MEI1: variants seen among roughly 807,000 people sequenced by gnomAD.
MEI1 encodes the protein meiotic double-stranded break formation protein 1.
Under a neutral mutation model 146.2 loss-of-function variants are expected in MEI1, and 103 were observed. The observed-to-expected ratio is 0.70, with a 90% CI of 0.60 to 0.83. The LOEUF (loss-of-function observed/expected upper bound fraction) is 0.83, where lower values mean the gene tolerates loss of function less well. Among genes scored for constraint, MEI1 ranks in the 40% least tolerant of loss-of-function variants. MEI1 has a pLI of 0.00. For missense variants in MEI1, 1,529 were observed against 1,533.0 expected (o/e 1.00, Z 0.04); for synonymous variants, 652 against 628.2 (o/e 1.04, Z -0.57).
At chr22:41,773,705 C>T (rs1009502351) in intron 20 of MEI1, among the ~76,000 whole-genome samples, 2 of 151,980 alleles carry the variant, frequency 1.3e-5, no homozygotes, top group African/African-American at 2.4e-5. Flanking sequence ...GAAACCCTGT[C>T]TCTACTAAAA....
intron 19 of MEI1, among the ~76,000 whole-genome samples, chr22:41,767,841 G>T (rs1436052538): frequency 6.6e-6 from 1 of 152,136 alleles, no homozygotes; most frequent in East Asian, 1.9e-4. Flanking sequence ...CCTGGAGCTG[G>T]GGGACTGGTC....
intron 11 of MEI1, among the ~76,000 whole-genome samples, chr22:41,737,261 G>A (rs1304026172): frequency 2.0e-5 from 3 of 151,558 alleles, no homozygotes; most frequent in African/African-American, 7.3e-5. Context: ...TTTTGAGACG[G>A]AGTCTTGCTC....
rs573283027 is a variant in MEI1, at chr22:41,766,169, C to T, written c.2268+2848C>T. 7.0e-4 allele frequency among the ~76,000 whole-genome samples: 105 copies of T among 150,738 alleles called. 1 individual carries two copies. Among genetic ancestry groups the T allele is most frequent in the Non-Finnish European group, 7.5e-4 (51 of 67,756 alleles). On this transcript the variant is annotated intron_variant, in intron 19 of 30. Coordinates refer to ENST00000401548, the MANE Select transcript of MEI1 (RefSeq NM_152513.4). ...GGATTACAGGCATGAGCCACCGTGC[C>T]GGCCATACGGTTTTTGTTTTTTGAG...
At chr22:41,760,339 A>G (rs111335028) in intron 18 of MEI1, among the ~76,000 whole-genome samples, 9,934 of 150,828 alleles carry the variant, frequency 0.066, 1,043 homozygotes, top group African/African-American at 0.23. Flanking sequence ...AATAAAAAAA[A>G]TAAAAATGAA....
At chr22:41,768,572 A>G (rs2074995040) in intron 19 of MEI1, among the ~76,000 whole-genome samples, 1 of 152,220 alleles carries the variant, frequency 6.6e-6, no homozygotes, top group Non-Finnish European at 1.5e-5. Flanking sequence ...TGTGACTCAC[A>G]GTTTCACAGG....
chr22:41,792,501 C>T lies in MEI1; in HGVS notation c.3346-1328C>T, dbSNP rs190523105. The stretch of plus-strand genomic sequence containing the variant: ...CCTCTATTCCCCCAGGAATGGAGCA[C>T]GGTGGAGGAAAGTGTTAGTTGAAAT... On this transcript the variant is annotated intron_variant, in intron 26 of 30. Coordinates refer to ENST00000401548, the MANE Select transcript of MEI1 (RefSeq NM_152513.4). Among the ~76,000 whole-genome samples, 7 of 152,166 alleles carry T rather than the reference C, an allele frequency of 4.6e-5. No homozygotes were observed. The East Asian group carries it at 5.8e-4, about 13-fold the overall frequency.
intron 24 of MEI1, among the ~76,000 whole-genome samples, chr22:41,782,599 C>T (rs2075805471): frequency 6.6e-6 from 1 of 152,200 alleles, no homozygotes; most frequent in East Asian, 1.9e-4. Context: ...CAATACTGTG[C>T]CAATCTAGTG....
At chr22:41,745,475 C>T (rs1478006838) in intron 13 of MEI1, among the ~76,000 whole-genome samples, 1 of 152,174 alleles carries the variant, frequency 6.6e-6, no homozygotes, top group African/African-American at 2.4e-5. Context: ...CAGAATGGCT[C>T]CTGCCCTCAA....
chr22:41,736,827 C>G (rs548592617), intron 11 of MEI1, among the ~76,000 whole-genome samples: 8 of 152,166 alleles, frequency 5.3e-5, no homozygotes, highest in Non-Finnish European at 1.0e-4. Flanking sequence ...GGATTAGGAC[C>G]TGACATCTTT....
intron 12 of MEI1, among the ~76,000 whole-genome samples, chr22:41,744,275 A>G (rs1162737155): frequency 1.3e-5 from 2 of 151,816 alleles, no homozygotes; most frequent in East Asian, 1.9e-4. Context: ...GGTTCAAGCA[A>G]TTCTCCTGCC....
At position 41,732,495 on chromosome 22, in the gene MEI1, C is replaced by T. The variant is rs533817526; in HGVS notation, c.1223C>T (p.Thr408Ile). The change falls in exon 11 of 31, where the codon ACA (threonine) becomes ATA (isoleucine). Residue 408 changes from threonine (T) to isoleucine (I), a missense_variant. This residue lies in a region of MEI1 where 1,212 missense variants were observed against 1,178.9 expected (regional missense o/e 1.03). Transcript: ENST00000401548. Reference sequence around the variant, plus strand: ...CAGCCAGAGGAGATCAAGCTGTTCACAAGCTCAGCCATGTGCAGAGATGCT... The same window carrying T: ...CAGCCAGAGGAGATCAAGCTGTTCATAAGCTCAGCCATGTGCAGAGATGCT... Reference protein sequence around the residue: ...TRQPEEIKLFTSSAMCRDAGR... With the variant: ...TRQPEEIKLFISSAMCRDAGR... 5 of 1,613,794 alleles carry T rather than the reference C, an allele frequency of 3.1e-6. No homozygotes were observed. The highest frequency in any genetic ancestry group is 4.2e-6 in the Non-Finnish European group (5 of 1,179,888).
intron 17 of MEI1, 40 bp from the exon 18 acceptor site, chr22:41,758,325 T>C: frequency 1.3e-6 from 2 of 1,589,364 alleles, no homozygotes; most frequent in East Asian, 2.2e-5. Context: ...TGTTCTTCTA[T>C]GTTCTCTGTG....
At chr22:41,730,346 C>G (rs1468296446) in intron 8 of MEI1, among the ~76,000 whole-genome samples, 175 bp from the exon 9 acceptor site, 1 of 152,194 alleles carries the variant, frequency 6.6e-6, no homozygotes, top group Non-Finnish European at 1.5e-5. Flanking sequence ...AAACCATAAC[C>G]AAGGGCACTT....
rs1310462966 is a variant in MEI1, at chr22:41,799,163, A to G, written c.3780-91A>G. 7.3e-6 allele frequency: 9 copies of G among 1,234,216 alleles called. No individual in the cohort carries two copies. In the Admixed American group the frequency reaches 1.6e-4, roughly 22 times the overall value. The allele number at this position is 1,234,216 out of a possible 1,614,324, so 76.5% of individuals were successfully genotyped here. A position where few individuals can be genotyped will look rare whatever the true frequency, so the allele number is the denominator to read the frequency against. On this transcript the variant is annotated intron_variant, in intron 30 of 30. Transcript: ENST00000401548. ...TCAGGAGCACTTCTGTTCTTGCCTG[A>G]CCATTCTTGACTGTTTTGGGCTCTG...
intron 6 of MEI1, among the ~76,000 whole-genome samples, chr22:41,718,606 C>T (rs1021201552): frequency 6.6e-6 from 1 of 152,208 alleles, no homozygotes; most frequent in Non-Finnish European, 1.5e-5. Flanking sequence ...GTCAGAAATT[C>T]TTCCATGGTT....
chr22:41,774,780 T>C (rs2075357885), intron 20 of MEI1, among the ~76,000 whole-genome samples: 1 of 152,252 alleles, frequency 6.6e-6, no homozygotes, highest in Non-Finnish European at 1.5e-5. Context: ...ATACAGCTAC[T>C]GTATAAACAC....
intron 6 of MEI1, among the ~76,000 whole-genome samples, chr22:41,721,701 C>T (rs111250833): frequency 0.028 from 4,121 of 146,432 alleles, 102 homozygotes; most frequent in Non-Finnish European, 0.039. Context: ...CCAGAATTCC[C>T]GTTTTTAAAT....
At position 41,699,627 on chromosome 22, in the gene MEI1, G is replaced by A. The variant is rs1026865316; in HGVS notation, c.89G>A (p.Arg30Gln). Residue 30 changes from arginine (R) to glutamine (Q), a missense_variant, in exon 1 of 31, where the codon CGG becomes CAG. Transcript: ENST00000401548. ...AALLFERAHY[R>Q]HDPRWLLPVT... ...CTTCTATTCGAGAGGGCCCATTACCGGCACGACCCGCGCTGGCTGCTGCCC... is the reference window on the plus strand; with the variant it reads ...CTTCTATTCGAGAGGGCCCATTACCAGCACGACCCGCGCTGGCTGCTGCCC... 3 of 1,609,618 alleles carry A rather than the reference G, an allele frequency of 1.9e-6. No homozygotes were observed. The highest frequency in any genetic ancestry group is 2.2e-5 in the South Asian group (2 of 90,524).
At chr22:41,725,583 C>T (rs568772295) in intron 7 of MEI1, among the ~76,000 whole-genome samples, 1 of 152,322 alleles carries the variant, frequency 6.6e-6, no homozygotes, top group African/African-American at 2.4e-5. Context: ...CTGTCTCTTC[C>T]ACCCCACAAC....
Sources: gnomAD v4.1 joint callset for allele counts (sites outside exome capture counted in the v4.1 genomes callset) on GRCh38, gnomAD v4.1.1 for gene constraint, gnomAD v4.1.1 regional missense constraint, MANE v1.5 for transcripts, NCBI Gene and HGNC (gene_info 2026-07-23, HGNC 2026-07-21) for gene names.